Variants in USP34 observed in about 807,000 individuals in gnomAD.
USP34 encodes ubiquitin carboxyl-terminal hydrolase 34.
Under a neutral mutation model 460.3 loss-of-function variants are expected in USP34, and 70 were observed. The ratio of observed to expected loss-of-function variants is 0.15; its 90% CI spans 0.13 to 0.19. The LOEUF (loss-of-function observed/expected upper bound fraction) is 0.19. USP34 is among the 10% of genes least tolerant of loss of function. The probability of loss-of-function intolerance (pLI) is 1.00; values close to 1 mark genes in which losing one functional copy is unlikely to be tolerated. For missense variants in USP34, 3,985 were observed against 4,236.2 expected (o/e 0.94, Z 1.65); for synonymous variants, 1,647 against 1,405.3 (o/e 1.17, Z -3.85).
intron 21 of USP34, among the ~76,000 whole-genome samples, chr2:61,319,689 C>G (rs944240705): frequency 2.0e-5 from 3 of 151,908 alleles, no homozygotes; most frequent in African/African-American, 7.3e-5. Context: ...TATTAAAATA[C>G]AAAAAATTAG....
chr2:61,188,877 C>A, intron 79 of USP34, 33 bp downstream of exon 79: 2 of 1,611,918 alleles, frequency 1.2e-6, no homozygotes, highest in South Asian at 2.2e-5. Flanking sequence ...TCCTCCCACC[C>A]TAAAGGTAAT....
chr2:61,389,362 G>A (rs1693272037), intron 5 of USP34, among the ~76,000 whole-genome samples: 1 of 152,106 alleles, frequency 6.6e-6, no homozygotes, highest in African/African-American at 2.4e-5. Flanking sequence ...AATTTTAACA[G>A]AAGGTTAAAA....
At position 61,405,827 on chromosome 2, in the gene USP34, G is replaced by T; in HGVS notation, c.433C>A (p.Pro145Thr). Residue 145 changes from proline to threonine, a missense_variant, in exon 3 of 80, where the codon CCT becomes ACT. Coordinates refer to ENST00000398571, the MANE Select transcript of USP34 (RefSeq NM_014709.4). ...TEEESSKSSD[P>T]FSLWSTDEKE... is the part of the protein sequence containing the mutation. Reference sequence around the variant, plus strand: ...TCATCTGTACTCCATAAACTAAAAGGATCAGAACTCTTTGAAGATTCCTCC... The same window carrying T: ...TCATCTGTACTCCATAAACTAAAAGTATCAGAACTCTTTGAAGATTCCTCC... The T allele has an allele frequency of 1.2e-6, 2 of 1,613,686 alleles. No homozygotes were observed. Among genetic ancestry groups the T allele is most frequent in the Non-Finnish European group, 1.7e-6 (2 of 1,179,900 alleles).
At chr2:61,310,119 T>C (rs1690541893) in intron 27 of USP34, among the ~76,000 whole-genome samples, 1 of 152,230 alleles carries the variant, frequency 6.6e-6, no homozygotes, top group African/African-American at 2.4e-5. Flanking sequence ...TACTAGCTTC[T>C]ACTAGTGTTC....
intron 41 of USP34, among the ~76,000 whole-genome samples, chr2:61,268,891 A>T (rs1689133474): frequency 6.6e-6 from 1 of 152,228 alleles, no homozygotes; most frequent in Admixed American, 6.5e-5. Context: ...GTTTCATACT[A>T]GTTTGGCAAA....
At chr2:61,353,844 C>G (rs1692027380) in intron 10 of USP34, among the ~76,000 whole-genome samples, 2 of 151,720 alleles carry the variant, frequency 1.3e-5, no homozygotes, top group Admixed American at 1.3e-4. Flanking sequence ...AAAAAGGAAC[C>G]AAAAAGAAAT....
chr2:61,414,727 C>A (rs76042912), intron 2 of USP34, among the ~76,000 whole-genome samples: 3,190 of 152,238 alleles, frequency 0.021, 110 homozygotes, highest in African/African-American at 0.071. Flanking sequence ...ACAGTCAGAG[C>A]AAGGGAGTCA....
At chr2:61,281,821 T>C (rs1033153807) in intron 37 of USP34, among the ~76,000 whole-genome samples, 1 of 152,100 alleles carries the variant, frequency 6.6e-6, no homozygotes, top group Admixed American at 6.5e-5. Context: ...ATCATTTAAG[T>C]TATTTACAAG....
chr2:61,379,455 G>A (rs979788783), intron 7 of USP34, among the ~76,000 whole-genome samples: 2 of 152,170 alleles, frequency 1.3e-5, no homozygotes, highest in Admixed American at 6.5e-5. Flanking sequence ...AGGAGGTGGA[G>A]GTTGCAGTAA....
rs762739522 is a variant in USP34 at position 61,383,310 on chromosome 2, A to G, written c.780T>C (p.Ala260=). ...TAAAAGGTATAATGTGCTGCATGACAGCGGGAATATGTAGCCATATTCTAA... is the reference window on the plus strand; with the variant it reads ...TAAAAGGTATAATGTGCTGCATGACGGCGGGAATATGTAGCCATATTCTAA... ...SNIRIWLHIP[A]VMQHIIPFRT... is the part of the protein sequence containing the mutation. The change falls in exon 6 of 80, where the codon GCT becomes GCC. Residue 260 remains alanine (A), a synonymous_variant. Transcript: ENST00000398571. 8.1e-6 allele frequency: 13 copies of G among 1,605,388 alleles called. No individual in the cohort carries two copies.
At position 61,206,129 on chromosome 2, in the gene USP34, A is replaced by G; in HGVS notation, c.9047-5T>C. On this transcript the variant is annotated splice_region_variant and splice_polypyrimidine_tract_variant and intron_variant, in intron 71 of 79. Coordinates refer to ENST00000398571, the MANE Select transcript of USP34 (RefSeq NM_014709.4). ...GGATTAATGCTTGTTTCACATCTGC[A>G]AATATAAAAGCACATATAAATATGC... 1 of 1,612,188 alleles carries G rather than the reference A, an allele frequency of 6.2e-7. No homozygotes were observed. Among genetic ancestry groups the G allele is most frequent in the Non-Finnish European group, 8.5e-7 (1 of 1,178,506 alleles).
At chr2:61,418,071 A>AAAAAAAAAAG (rs1234443049) in intron 2 of USP34, among the ~76,000 whole-genome samples, 4 of 148,942 alleles carry the variant, frequency 2.7e-5, no homozygotes, top group African/African-American at 9.9e-5. Context: ...TAAATATTAA[A>AAAAAAAAAAG]TTCTTGTTAA....
intron 18 of USP34, among the ~76,000 whole-genome samples, chr2:61,336,252 A>C (rs988835749): frequency 7.3e-5 from 11 of 151,538 alleles, no homozygotes; most frequent in African/African-American, 2.7e-4. Context: ...CAGCCTCCCA[A>C]GTAGCTGTAA....
chr2:61,254,114 A>T (rs1479101944), intron 48 of USP34, among the ~76,000 whole-genome samples: 2 of 152,206 alleles, frequency 1.3e-5, no homozygotes, highest in Non-Finnish European at 2.9e-5. Context: ...CTATAACCTG[A>T]CAAAACACAT....
intron 1 of USP34, among the ~76,000 whole-genome samples, chr2:61,435,180 T>A (rs1694777920): frequency 6.6e-6 from 1 of 151,286 alleles, no homozygotes; most frequent in African/African-American, 2.4e-5. Flanking sequence ...TGGTGAATGC[T>A]TATAGTCCCA....
At chr2:61,293,581 G>A in intron 32 of USP34, 31 bp from the exon 33 acceptor site, 1 of 1,547,062 alleles carries the variant, frequency 6.5e-7, no homozygotes, top group Non-Finnish European at 8.9e-7. Flanking sequence ...AATAGTAAGA[G>A]AAAAGCAGAT....
At chr2:61,390,957 T>C (rs1172625227) in intron 5 of USP34, among the ~76,000 whole-genome samples, 1 of 151,840 alleles carries the variant, frequency 6.6e-6, no homozygotes, top group Non-Finnish European at 1.5e-5. Context: ...TAGCTGGGCA[T>C]GGTGGTGCGT....
In USP34 at chr2:61,348,192, G is replaced by T. The variant is rs377621735; in HGVS notation, c.1963C>A (p.Leu655Met). Reference protein sequence around the residue: ...RKLESQAGICLGDSQGMSERN... With the variant: ...RKLESQAGICMGDSQGMSERN... ...TCTGACATGCCTTGGGAGTCCCCCA[G>T]GCAAATGCCTGCTTGACTCTCTAAC... Residue 655 changes from leucine to methionine, a missense_variant, in exon 15 of 80, where the codon CTG (leucine) becomes ATG (methionine). Leu to Met is a conservative substitution (Grantham distance 15). Around this residue, in one of 14 missense-constraint regions of USP34, gnomAD observed 716 missense variants for 626.2 expected, o/e 1.14. Transcript: ENST00000398571. 27 of 1,614,086 alleles carry T rather than the reference G, an allele frequency of 1.7e-5. No homozygotes were observed. Among genetic ancestry groups the T allele is most frequent in the Admixed American group, 1.0e-4 (6 of 60,006 alleles).
At chr2:61,445,797 A>C (rs1409689201) in intron 1 of USP34, among the ~76,000 whole-genome samples, 1 of 151,902 alleles carries the variant, frequency 6.6e-6, no homozygotes, top group Non-Finnish European at 1.5e-5. Flanking sequence ...AAATACAAAA[A>C]ATTTGCCAGG....
Sources: gnomAD v4.1 joint callset for allele counts (sites outside exome capture counted in the v4.1 genomes callset) on GRCh38, gnomAD v4.1.1 for gene constraint, gnomAD v4.1.1 regional missense constraint, MANE v1.5 for transcripts, NCBI Gene and HGNC (gene_info 2026-07-23, HGNC 2026-07-21) for gene names.